CSGALNACT1: variants seen among roughly 807,000 people sequenced by gnomAD.
CSGALNACT1 encodes the protein chondroitin sulfate N-acetylgalactosaminyltransferase 1, also known as beta4GalNAcT-1.
A neutral mutation model predicts 51.0 loss-of-function variants in CSGALNACT1; 52 were observed. That is an observed-to-expected ratio of 1.02 (90% confidence interval 0.82 to 1.29). The LOEUF is 1.29. CSGALNACT1 is among the 50% of genes most tolerant of loss of function. The probability of loss-of-function intolerance (pLI) is 0.00; values close to 1 mark genes in which losing one functional copy is unlikely to be tolerated. For missense variants in CSGALNACT1, 935 were observed against 679.2 expected, an observed-to-expected ratio of 1.38 and a Z score of -4.19; for synonymous variants, 341 against 254.4, an observed-to-expected ratio of 1.34 and a Z score of -3.24.
At chr8:19,630,116 C>G (rs1274057660) in intron 1 of CSGALNACT1, among the ~76,000 whole-genome samples, 1 of 151,868 alleles carries the variant, frequency 6.6e-6, no homozygotes, top group Non-Finnish European at 1.5e-5. Context: ...TGAAGACTTT[C>G]CAGCTTTGAC....
intron 5 of CSGALNACT1, among the ~76,000 whole-genome samples, chr8:19,450,072 G>T (rs1245136781): frequency 4.0e-5 from 5 of 126,580 alleles, no homozygotes; most frequent in Non-Finnish European, 6.8e-5. Flanking sequence ...AGAAGAAAGA[G>T]GGGGAGGAGG....
At chr8:19,428,367 T>A (rs1259930099) in intron 6 of CSGALNACT1, among the ~76,000 whole-genome samples, 1 of 152,044 alleles carries the variant, frequency 6.6e-6, no homozygotes, top group African/African-American at 2.4e-5. Flanking sequence ...CAAAGTCACA[T>A]CTTACGTGGC....
intron 1 of CSGALNACT1, among the ~76,000 whole-genome samples, chr8:19,635,629 C>T (rs1215874779): frequency 6.6e-6 from 1 of 152,072 alleles, no homozygotes; most frequent in Non-Finnish European, 1.5e-5. Flanking sequence ...ACTTTTTCGG[C>T]ATATTGAGGT....
chr8:19,721,531 C>T (rs572575451), intron 1 of CSGALNACT1, among the ~76,000 whole-genome samples: 2 of 152,266 alleles, frequency 1.3e-5, no homozygotes, highest in Non-Finnish European at 2.9e-5. Flanking sequence ...TGGACCATGA[C>T]AAGCACATGA....
chr8:19,468,365 C>G (rs1221381867), intron 4 of CSGALNACT1, among the ~76,000 whole-genome samples: 2 of 152,126 alleles, frequency 1.3e-5, no homozygotes, highest in Non-Finnish European at 2.9e-5. Flanking sequence ...TGGGAGAATG[C>G]TGGAAAGGCC....
intron 1 of CSGALNACT1, among the ~76,000 whole-genome samples, chr8:19,641,081 T>A (rs546492890): frequency 2.0e-5 from 3 of 151,034 alleles, no homozygotes; most frequent in Admixed American, 1.3e-4. Flanking sequence ...TTCTCAAGTC[T>A]CCCAGGGATG....
intron 3 of CSGALNACT1, among the ~76,000 whole-genome samples, chr8:19,522,445 ACT>A (rs1430568360): frequency 6.6e-6 from 1 of 151,854 alleles, no homozygotes; most frequent in Non-Finnish European, 1.5e-5. Flanking sequence ...AATTTGAAAA[ACT>A]CTCTCTAAAA....
chr8:19,635,067 G>GC (rs2055846976), intron 1 of CSGALNACT1, among the ~76,000 whole-genome samples: 1 of 152,208 alleles, frequency 6.6e-6, no homozygotes, highest in Admixed American at 6.5e-5. Context: ...CTAAATGATT[G>GC]TGTAATTAAG....
upstream of CSGALNACT1, among the ~76,000 whole-genome samples, chr8:19,686,431 A>G (rs537620338): frequency 2.3e-4 from 35 of 152,300 alleles, no homozygotes; most frequent in African/African-American, 8.2e-4. Context: ...ACAGCCACCA[A>G]CGCATTCTAA....
At chr8:19,542,314 C>G (rs561450409) in intron 3 of CSGALNACT1, among the ~76,000 whole-genome samples, 1 of 151,542 alleles carries the variant, frequency 6.6e-6, no homozygotes, top group Non-Finnish European at 1.5e-5. Context: ...AAACACTGTC[C>G]GTCAAACCAG....
intron 3 of CSGALNACT1, among the ~76,000 whole-genome samples, chr8:19,561,682 G>C (rs1290564804): frequency 6.6e-6 from 1 of 152,236 alleles, no homozygotes; most frequent in African/African-American, 2.4e-5. Context: ...GGGGCATACA[G>C]AGAATGATTC....
At chr8:19,656,950 C>G (rs2058333122) in intron 1 of CSGALNACT1, among the ~76,000 whole-genome samples, 1 of 151,558 alleles carries the variant, frequency 6.6e-6, no homozygotes, top group Admixed American at 6.6e-5. Context: ...CCTGTAGTCC[C>G]AGCTATTCAG....
At chr8:19,491,730 G>T (rs528433423) in intron 4 of CSGALNACT1, among the ~76,000 whole-genome samples, 1 of 152,312 alleles carries the variant, frequency 6.6e-6, no homozygotes, top group East Asian at 1.9e-4. Flanking sequence ...ACCAAACAAA[G>T]CAAGGTCTTT....
rs556411012 is a variant in CSGALNACT1 at position 19,407,740 on chromosome 8, TTG to T, written c.1309+871_1309+872del. Among the ~76,000 whole-genome samples, 113 of 152,254 alleles carry T rather than the reference TTG, an allele frequency of 7.4e-4. 1 individual carries two copies. Among genetic ancestry groups the T allele is most frequent in the African/African-American group, 2.6e-3 (108 of 41,526 alleles). ...GCGCATGTGCATATTTGTGTATGAA[TTG>T]TGTGTGCATGTGGACATTTGTGTAT... is the stretch of plus-strand genomic sequence containing the variant. On this transcript the variant is annotated intron_variant, in intron 9 of 9. Coordinates refer to ENST00000454498, the Ensembl canonical transcript of CSGALNACT1.
chr8:19,634,427 C>T (rs761589881), intron 1 of CSGALNACT1, among the ~76,000 whole-genome samples: 29 of 151,814 alleles, frequency 1.9e-4, no homozygotes, highest in African/African-American at 2.7e-4. Context: ...AGAGAGAGGC[C>T]GAGGCAAGAG....
rs538698338 is a variant in CSGALNACT1 at position 19,502,823 on chromosome 8, G to T, written c.634+2378C>A. On this transcript the variant is annotated intron_variant, in intron 4 of 9. Transcript: ENST00000454498. ...AACTAGGTGTGGATCAAAGAATTGT[G>T]AACCAGGATTGAAAAGGTCCCCAAA... 2.1e-3 allele frequency among the ~76,000 whole-genome samples: 318 copies of T among 152,166 alleles called. 4 individuals carry two copies. Among genetic ancestry groups the T allele is most frequent in the African/African-American group, 7.4e-3 (307 of 41,506 alleles).
intron 3 of CSGALNACT1, among the ~76,000 whole-genome samples, chr8:19,542,111 T>C (rs908107030): frequency 6.6e-6 from 1 of 152,058 alleles, no homozygotes; most frequent in African/African-American, 2.4e-5. Flanking sequence ...TGACAAGGAA[T>C]TGTTTTCCAA....
At chr8:19,453,230 T>C (rs1398191205) in intron 5 of CSGALNACT1, among the ~76,000 whole-genome samples, 1 of 152,116 alleles carries the variant, frequency 6.6e-6, no homozygotes, top group African/African-American at 2.4e-5. Flanking sequence ...AACAAGAATA[T>C]GAATTTAATT....
chr8:19,481,103 G>A (rs755365453), intron 4 of CSGALNACT1, among the ~76,000 whole-genome samples: 2 of 152,128 alleles, frequency 1.3e-5, no homozygotes, highest in Admixed American at 6.5e-5. Context: ...TAATTAATCA[G>A]GCATTAGCTT....
Sources: gnomAD v4.1 joint callset for allele counts (sites outside exome capture counted in the v4.1 genomes callset) on GRCh38, gnomAD v4.1.1 for gene constraint, MANE v1.5 for transcripts, NCBI Gene and HGNC (gene_info 2026-07-23, HGNC 2026-07-21) for gene names.